Variants in DNASE1L3 observed in about 807,000 individuals in gnomAD.
DNASE1L3 encodes deoxyribonuclease gamma.
Under a neutral mutation model 30.9 loss-of-function variants are expected in DNASE1L3, and 27 were observed. The observed-to-expected ratio is 0.87, with a 90% CI of 0.64 to 1.20. DNASE1L3 has a LOEUF of 1.20. DNASE1L3 is among the 50% of genes most tolerant of loss of function. DNASE1L3 has a pLI of 0.00. For synonymous variants in DNASE1L3, 135 were observed against 138.0 expected, an observed-to-expected ratio of 0.98 and a Z score of 0.15; for missense variants, 364 against 378.2, an observed-to-expected ratio of 0.96 and a Z score of 0.31.
intron 4 of DNASE1L3, 40 bp from the exon 5 acceptor site, chr3:58,201,149 T>A: frequency 6.5e-7 from 1 of 1,537,604 alleles, no homozygotes; most frequent in South Asian, 1.2e-5. Flanking sequence ...ACACTTCCCC[T>A]GTCAAGGTCT....
chr3:58,203,019 C>T (rs113533664), intron 4 of DNASE1L3, among the ~76,000 whole-genome samples: 1,679 of 152,258 alleles, frequency 0.011, 28 homozygotes, highest in African/African-American at 0.038. Flanking sequence ...TGGCAATGTG[C>T]GCGAGCCTCA....
intron 6 of DNASE1L3, among the ~76,000 whole-genome samples, chr3:58,196,692 C>T (rs1046463563): frequency 8.5e-5 from 13 of 152,214 alleles, no homozygotes; most frequent in Non-Finnish European, 1.8e-4. Flanking sequence ...GGACCAGGCT[C>T]CTAGGGGTTT....
At position 58,200,245 on chromosome 3, in the gene DNASE1L3, T is replaced by C. The variant is rs1170130779; in HGVS notation, c.546+752A>G. Among the ~76,000 whole-genome samples the C allele has an allele frequency of 6.6e-6, 1 of 152,100 alleles. No homozygotes were observed. Among genetic ancestry groups the C allele is most frequent in the East Asian group, 1.9e-4 (1 of 5,190 alleles). On this transcript the variant is annotated intron_variant, in intron 5 of 7. Transcript: ENST00000394549. The surrounding 1 kb of genome is among the most constrained non-coding windows in gnomAD (Gnocchi z 4.2). Reference sequence around the variant, plus strand: ...TGGACACAGATTTAGTCAATCAGAGTAGCTCAACACCCTGATCACAATGAT... The same window carrying C: ...TGGACACAGATTTAGTCAATCAGAGCAGCTCAACACCCTGATCACAATGAT...
chr3:58,201,594 C>T (rs529307268), intron 4 of DNASE1L3, among the ~76,000 whole-genome samples: 3 of 152,302 alleles, frequency 2.0e-5, no homozygotes, highest in East Asian at 3.9e-4. Flanking sequence ...CATTCCAGCT[C>T]GCAGGCACAT....
At chr3:58,194,898 G>T (rs1257269305) in intron 6 of DNASE1L3, among the ~76,000 whole-genome samples, 2 of 151,956 alleles carry the variant, frequency 1.3e-5, no homozygotes, top group Non-Finnish European at 2.9e-5. Context: ...AAAGTGCTGG[G>T]ATTACAGGTG....
At position 58,197,851 on chromosome 3, in the gene DNASE1L3, A is replaced by C; in HGVS notation, c.674T>G (p.Val225Gly). ...WLIGDQEDTTVKKSTNCAYDR... is the reference protein window; with the variant it reads ...WLIGDQEDTTGKKSTNCAYDR... ...ATATGCACAGTTGGTGCTCTTCTTC[A>C]CCGTGGTGTCCTCTTGGTCCCCGAT... is the stretch of plus-strand genomic sequence containing the variant. The change falls in exon 6 of 8, where the codon GTG (valine) becomes GGG (glycine). Residue 225 changes from valine (V) to glycine (G), a missense_variant. Coordinates refer to ENST00000394549, the MANE Select transcript of DNASE1L3 (RefSeq NM_004944.4). The surrounding 1 kb of genome is among the most constrained non-coding windows in gnomAD (Gnocchi z 5.3). 6.2e-7 allele frequency: 1 copy of C among 1,614,066 alleles called. No homozygotes were observed. The highest frequency in any genetic ancestry group is 1.3e-5 in the African/African-American group (1 of 75,028).
intron 4 of DNASE1L3, among the ~76,000 whole-genome samples, chr3:58,201,548 A>G (rs1331991606): frequency 6.6e-6 from 1 of 152,194 alleles, no homozygotes; most frequent in Non-Finnish European, 1.5e-5. Context: ...AGTACATTCT[A>G]TGTCCTTGTA....
At chr3:58,202,819 C>G (rs1359174928) in intron 4 of DNASE1L3, among the ~76,000 whole-genome samples, 3 of 151,008 alleles carry the variant, frequency 2.0e-5, no homozygotes, top group Non-Finnish European at 4.4e-5. Context: ...CGCCACTGCA[C>G]TCCAGCCTGG....
chr3:58,197,881 CA>C lies in DNASE1L3; in HGVS notation c.643del (p.Trp215GlyfsTer2), dbSNP rs1575496354. The C allele has an allele frequency of 6.2e-7, 1 of 1,614,190 alleles. No homozygotes were observed. The highest frequency in any genetic ancestry group is 8.5e-7 in the Non-Finnish European group (1 of 1,180,036). ...IRLRTDPRFVWLIGDQEDTTV... is the reference protein window; with the variant it reads ...IRLRTDPRFVXLIGDQEDTTV... ...GGTGTCCTCTTGGTCCCCGATCAGC[CA>C]AACAAACCTGGGGTCAGTCCTCAAG... On this transcript the variant is annotated frameshift_variant, in exon 6 of 8. Transcript: ENST00000394549. LOFTEE classifies it high-confidence loss of function. This position sits in a 1 kb window ranked among gnomAD's most constrained non-coding sequence, Gnocchi z 5.3.
At chr3:58,210,073 A>G (rs755825250) in intron 1 of DNASE1L3, among the ~76,000 whole-genome samples, 83 of 149,948 alleles carry the variant, frequency 5.5e-4, no homozygotes, top group Non-Finnish European at 1.1e-3. Flanking sequence ...GAAGGAGGAG[A>G]AGAAGAAAGA....
intron 7 of DNASE1L3, 71 bp downstream of exon 7, chr3:58,193,272 T>A (rs1314546308): frequency 6.4e-7 from 1 of 1,562,724 alleles, no homozygotes; most frequent in East Asian, 2.2e-5. Context: ...AGAGATGGAG[T>A]CTCATCATGT....
chr3:58,196,570 A>C (rs2097397556), intron 6 of DNASE1L3, among the ~76,000 whole-genome samples: 1 of 150,794 alleles, frequency 6.6e-6, no homozygotes, highest in Non-Finnish European at 1.5e-5. Flanking sequence ...AAAAAAAAAA[A>C]AAAAAAACTC....
At position 58,205,575 on chromosome 3, in the gene DNASE1L3, T is replaced by C. The variant is rs2097403374; in HGVS notation, c.231-15A>G. 1.9e-6 allele frequency: 3 copies of C among 1,598,130 alleles called. No individual in the cohort carries two copies. Among genetic ancestry groups the C allele is most frequent in the Non-Finnish European group, 2.6e-6 (3 of 1,165,688 alleles). On this transcript the variant is annotated splice_polypyrimidine_tract_variant and intron_variant, in intron 2 of 7. Coordinates refer to ENST00000394549, the MANE Select transcript of DNASE1L3 (RefSeq NM_004944.4). ...TCCTTGAATTTCTAGAAAACAAAGA[T>C]TTAACACTGCATCTTGAAGAGTAAA...
At chr3:58,210,171 G>GA (rs1013129182) in intron 1 of DNASE1L3, among the ~76,000 whole-genome samples, 1 of 141,990 alleles carries the variant, frequency 7.0e-6, no homozygotes, top group African/African-American at 2.6e-5. Context: ...AAGAAACAAA[G>GA]AAAAAGAGAA....
chr3:58,193,307 G>A lies in DNASE1L3; in HGVS notation c.801+36C>T, dbSNP rs2097395266. 3 of 1,603,860 alleles carry A rather than the reference G, an allele frequency of 1.9e-6. No individual in the cohort carries two copies. In the East Asian group the frequency reaches 6.7e-5, roughly 36 times the overall value. On this transcript the variant is annotated intron_variant, in intron 7 of 7. Coordinates refer to ENST00000394549, the MANE Select transcript of DNASE1L3 (RefSeq NM_004944.4). The stretch of plus-strand genomic sequence containing the variant: ...TTGCCCAAGCTAACTCATCTTTCCA[G>A]GACAATGGCATAGAAAGACAAGATG...
rs772802938 is a variant in DNASE1L3 at position 58,210,944 on chromosome 3, C to G, written c.-38G>C. On this transcript the variant is annotated 5_prime_UTR_variant, in exon 1 of 8. Coordinates refer to ENST00000394549, the MANE Select transcript of DNASE1L3 (RefSeq NM_004944.4). ...CTGGCTTCAAGACTCTGTGAGAAGA[C>G]AGCAGTGCTTGGAGTGCTGGATTCT... The G allele has an allele frequency of 6.2e-7, 1 of 1,610,424 alleles. No homozygotes were observed. The highest frequency in any genetic ancestry group is 1.1e-5 in the South Asian group (1 of 90,910).
In DNASE1L3 at chr3:58,210,555, C is replaced by A. The variant is rs183277637; in HGVS notation, c.141+211G>T. The stretch of plus-strand genomic sequence containing the variant: ...CTTTCCATTTGCCAACTCCTGTAGT[C>A]CCCCCAGCAACCCTGGAGGGAACCA... On this transcript the variant is annotated intron_variant, in intron 1 of 7. Transcript: ENST00000394549. Among the ~76,000 whole-genome samples, 3 of 152,190 alleles carry A rather than the reference C, an allele frequency of 2.0e-5. No homozygotes were observed. The South Asian group carries it at 6.2e-4, about 31-fold the overall frequency.
intron 5 of DNASE1L3, 127 bp from the exon 6 acceptor site, chr3:58,198,105 G>A (rs1369503120): frequency 9.0e-7 from 1 of 1,106,944 alleles, no homozygotes; most frequent in South Asian, 1.7e-5. Context: ...GCTGAATCTT[G>A]TCTACCCCCT....
At chr3:58,198,773 A>T (rs2097398879) in intron 5 of DNASE1L3, among the ~76,000 whole-genome samples, 1 of 152,182 alleles carries the variant, frequency 6.6e-6, no homozygotes, top group African/African-American at 2.4e-5. Flanking sequence ...AAGCAGGAAA[A>T]GTGAATTTGG....
Sources: allele counts gnomAD v4.1 joint callset (sites outside exome capture counted in the v4.1 genomes callset), GRCh38; gene constraint gnomAD v4.1.1; non-coding constraint Gnocchi (gnomAD v3.1); transcripts MANE v1.5; gene names NCBI Gene and HGNC (gene_info 2026-07-23, HGNC 2026-07-21).